Variants in GABBR2 observed in about 807,000 individuals in gnomAD.
GABBR2 encodes the protein gamma-aminobutyric acid type B receptor subunit 2.
In GABBR2, 23 loss-of-function variants were observed where a neutral mutation model predicts 105.6. That is an observed-to-expected ratio of 0.22 (90% CI 0.16 to 0.31). The LOEUF (loss-of-function observed/expected upper bound fraction) is 0.31, where lower values mean the gene tolerates loss of function less well. Among genes scored for constraint, GABBR2 ranks in the 10% least tolerant of loss-of-function variants. The pLI, the probability that GABBR2 is intolerant of heterozygous loss-of-function variation, is 1.00. For synonymous variants in GABBR2, 478 were observed against 499.7 expected (o/e 0.96, Z 0.58); for missense variants, 734 against 1,245.5 (o/e 0.59, Z 6.18).
At chr9:98,312,251 G>T (rs1272825339) in intron 13 of GABBR2, among the ~76,000 whole-genome samples, 1 of 152,140 alleles carries the variant, frequency 6.6e-6, no homozygotes, top group African/African-American at 2.4e-5. Context: ...CATCATTATT[G>T]CACTTACGTG....
intron 1 of GABBR2, among the ~76,000 whole-genome samples, chr9:98,619,924 C>T (rs1829644597): frequency 6.6e-6 from 1 of 152,120 alleles, no homozygotes; most frequent in Admixed American, 6.5e-5. Context: ...GCATATGAAC[C>T]CCAGCTCACC....
chr9:98,448,752 A>G (rs1227224594), intron 7 of GABBR2, among the ~76,000 whole-genome samples: 3 of 152,128 alleles, frequency 2.0e-5, no homozygotes, highest in Non-Finnish European at 4.4e-5. Flanking sequence ...AGGCACCACA[A>G]TCTCAATGTG....
At chr9:98,530,909 G>C (rs1326425263) in intron 3 of GABBR2, among the ~76,000 whole-genome samples, 1 of 152,178 alleles carries the variant, frequency 6.6e-6, no homozygotes, top group Non-Finnish European at 1.5e-5. Context: ...GTCCTGATGT[G>C]TGTGTGTATA....
chr9:98,487,324 T>C (rs1270898684), intron 4 of GABBR2, among the ~76,000 whole-genome samples: 2 of 151,976 alleles, frequency 1.3e-5, no homozygotes, highest in African/African-American at 2.4e-5. Flanking sequence ...GTCTCTCCTA[T>C]CTGGTTGGGA....
At chr9:98,455,353 C>T (rs55923702) in intron 6 of GABBR2, among the ~76,000 whole-genome samples, 1 of 152,072 alleles carries the variant, frequency 6.6e-6, no homozygotes, top group Non-Finnish European at 1.5e-5. Context: ...CACTTCTGAA[C>T]TCCTCTGCCA....
chr9:98,432,577 T>C (rs1825832429), intron 7 of GABBR2, among the ~76,000 whole-genome samples: 1 of 152,196 alleles, frequency 6.6e-6, no homozygotes, highest in Non-Finnish European at 1.5e-5. Context: ...ACACAACCCA[T>C]TGATCTTCAG....
chr9:98,606,932 A>G (rs1829431967), intron 1 of GABBR2: 2 of 690,200 alleles, frequency 2.9e-6, no homozygotes, highest in Admixed American at 3.8e-5. Context: ...CCTAAGAATC[A>G]TCTTCTTCCT....
intron 5 of GABBR2, among the ~76,000 whole-genome samples, chr9:98,475,264 A>G (rs1331206518): frequency 6.6e-6 from 1 of 152,106 alleles, no homozygotes; most frequent in African/African-American, 2.4e-5. Flanking sequence ...TATTTTAATT[A>G]CCTAACAAAA....
At position 98,385,746 on chromosome 9, in the gene GABBR2, A is replaced by C; in HGVS notation, c.1556T>G (p.Met519Arg). 6.2e-7 allele frequency: 1 copy of C among 1,610,472 alleles called. No individual in the cohort carries two copies. The highest frequency in any genetic ancestry group is 8.5e-7 in the Non-Finnish European group (1 of 1,176,642). ...CCCTCCAAGGATGATAAGGTTGTTC[A>C]TGTATGGACTCGACATCTTTATGAG... ...QKLIKMSSPY[M>R]NNLIILGGML... The change falls in exon 11 of 19, where the codon ATG becomes AGG. Residue 519 changes from methionine to arginine, a missense_variant. Physicochemically the swap from Met to Arg is moderately conservative, Grantham distance 91 (BLOSUM62 -1). Around this residue, in one of 7 missense-constraint regions of GABBR2, gnomAD observed 370 missense variants for 648.9 expected, o/e 0.57. Transcript: ENST00000259455.
intron 7 of GABBR2, among the ~76,000 whole-genome samples, chr9:98,420,239 G>A (rs1399036783): frequency 2.6e-5 from 4 of 152,122 alleles, no homozygotes; most frequent in Non-Finnish European, 4.4e-5. Flanking sequence ...ACAAGTCCTC[G>A]GTGAGCTCCA....
At chr9:98,319,811 G>A (rs922935335) in intron 13 of GABBR2, among the ~76,000 whole-genome samples, 1 of 152,120 alleles carries the variant, frequency 6.6e-6, no homozygotes, top group Non-Finnish European at 1.5e-5. Flanking sequence ...TGCCCCCTGG[G>A]AGAGCCATGC....
rs1318898480 is a variant in GABBR2, at chr9:98,290,454, G to A, written c.*130C>T. 3 of 526,466 alleles carry A rather than the reference G, an allele frequency of 5.7e-6. No individual in the cohort carries two copies. The highest frequency in any genetic ancestry group is 2.0e-5 in the African/African-American group (1 of 50,750). 32.6% of individuals were successfully genotyped at this position (526,466 alleles called of 1,614,324 possible). ...CGTCCTGTCCACCTGAGTGCCATCC[G>A]AGTGGTCCTGAGAGGCCAGCCATGG... is the stretch of plus-strand genomic sequence containing the variant. On this transcript the variant is annotated 3_prime_UTR_variant, in exon 19 of 19. Coordinates refer to ENST00000259455, the MANE Select transcript of GABBR2 (RefSeq NM_005458.8).
chr9:98,543,846 T>G (rs1828353244), intron 2 of GABBR2, among the ~76,000 whole-genome samples: 1 of 152,198 alleles, frequency 6.6e-6, no homozygotes, highest in African/African-American at 2.4e-5. Flanking sequence ...TTCTTGATGT[T>G]GTTTATAGTG....
chr9:98,508,039 T>C (rs922887496), intron 3 of GABBR2, among the ~76,000 whole-genome samples: 1 of 152,200 alleles, frequency 6.6e-6, no homozygotes, highest in African/African-American at 2.4e-5. Flanking sequence ...CTTATTGCTT[T>C]CCTTGTGACA....
At chr9:98,649,169 A>G (rs541472373) in intron 1 of GABBR2, among the ~76,000 whole-genome samples, 18 of 152,148 alleles carry the variant, frequency 1.2e-4, no homozygotes, top group Non-Finnish European at 1.3e-4. Context: ...ATTTGATTTA[A>G]ATCTAACTGA....
chr9:98,305,614 A>G (rs1225505785), intron 15 of GABBR2, among the ~76,000 whole-genome samples: 2 of 152,238 alleles, frequency 1.3e-5, no homozygotes, highest in Non-Finnish European at 2.9e-5. Context: ...CAGGAGTCCA[A>G]GACCAGCTTG....
intron 13 of GABBR2, among the ~76,000 whole-genome samples, chr9:98,316,828 GAT>G (rs1445237260): frequency 6.6e-6 from 1 of 152,176 alleles, no homozygotes; most frequent in African/African-American, 2.4e-5. Flanking sequence ...TTATTTCACA[GAT>G]GAGGAAACAG....
At chr9:98,692,742 AG>A (rs1282003992) in intron 1 of GABBR2, among the ~76,000 whole-genome samples, 2 of 152,264 alleles carry the variant, frequency 1.3e-5, no homozygotes, top group African/African-American at 4.8e-5. Context: ...AATGGGACTA[AG>A]GGCAAGAATT....
At chr9:98,511,207 C>T (rs544933798) in intron 3 of GABBR2, among the ~76,000 whole-genome samples, 1,892 of 150,708 alleles carry the variant, frequency 0.013, 42 homozygotes, top group African/African-American at 0.044. Context: ...TTGAAACCAA[C>T]GAGAACAAAG....
Sources: gnomAD v4.1 joint callset for allele counts (sites outside exome capture counted in the v4.1 genomes callset) on GRCh38, gnomAD v4.1.1 for gene constraint, gnomAD v4.1.1 regional missense constraint, MANE v1.5 for transcripts, NCBI Gene and HGNC (gene_info 2026-07-23, HGNC 2026-07-21) for gene names.